The following B3GNT3 variants were observed in gnomAD, a reference collection of about 807,000 sequenced individuals.
The protein encoded by B3GNT3 is UDP-GlcNAc:betaGal beta-1,3-N-acetylglucosaminyltransferase 3.
A neutral mutation model predicts 11.6 loss-of-function variants in B3GNT3; 7 were observed. That is an observed-to-expected ratio of 0.60 (90% CI 0.34 to 1.13). B3GNT3 has a LOEUF of 1.13. B3GNT3 is among the 50% of genes most tolerant of loss of function. The pLI, the probability that B3GNT3 is intolerant of heterozygous loss-of-function variation, is 0.03. For missense variants in B3GNT3, 400 were observed against 507.4 expected (o/e 0.79, Z 2.03); for synonymous variants, 201 against 222.1 (o/e 0.90, Z 0.85).
At chr19:17,804,884 C>G (rs1242442478) in intron 1 of B3GNT3, among the ~76,000 whole-genome samples, 2 of 151,746 alleles carry the variant, frequency 1.3e-5, no homozygotes, top group African/African-American at 4.8e-5. Flanking sequence ...AACCTGCATA[C>G]TCTCCTATAC....
At chr19:17,800,422 C>G (rs934548923) in intron 1 of B3GNT3, among the ~76,000 whole-genome samples, 5 of 151,854 alleles carry the variant, frequency 3.3e-5, no homozygotes, top group African/African-American at 1.2e-4. Flanking sequence ...ACAGAGGTGC[C>G]TGGAGCCACT....
In B3GNT3 at chr19:17,807,960, T is replaced by TCCCGGCCC; in HGVS notation, c.155_156insCGGCCCCC (p.Pro53GlyfsTer63). 1.2e-5 allele frequency: 19 copies of TCCCGGCCC among 1,609,508 alleles called. No individual in the cohort carries two copies. The highest frequency in any genetic ancestry group is 1.4e-5 in the Non-Finnish European group (17 of 1,178,092). Reference sequence around the variant, plus strand: ...TCCCCGAGGCCCTGGCCTGGCCCACTCCACCCACCCGCCCAGCCCCGGCCC... The same window carrying TCCCGGCCC: ...TCCCCGAGGCCCTGGCCTGGCCCACTCCCGGCCCCCACCCACCCGCCCAGCCCCGGCCC... On this transcript the variant is annotated frameshift_variant, in exon 2 of 3. Coordinates refer to ENST00000318683, the MANE Select transcript of B3GNT3 (RefSeq NM_014256.4). LOFTEE classifies it high-confidence loss of function.
rs2094180160 is a variant in B3GNT3 at position 17,811,126 on chromosome 19, A to T, written c.568-445A>T. Among the ~76,000 whole-genome samples, 1 of 151,998 alleles carries T rather than the reference A, an allele frequency of 6.6e-6. No individual in the cohort carries two copies. The highest frequency in any genetic ancestry group is 6.6e-5 in the Admixed American group (1 of 15,216). ...CTACTTGGGAGGCTGAGGTGGAAGG[A>T]TCACCTGAGCCCGGGAATTTGAGGC... is the stretch of plus-strand genomic sequence containing the variant. On this transcript the variant is annotated intron_variant, in intron 2 of 2. Transcript: ENST00000318683. This position sits in a 1 kb window ranked among gnomAD's most constrained non-coding sequence, Gnocchi z 4.1.
At position 17,812,256 on chromosome 19, in the gene B3GNT3, A is replaced by C; in HGVS notation, c.*134A>C. 1 of 1,011,954 alleles carries C rather than the reference A, an allele frequency of 9.9e-7. No homozygotes were observed. Among genetic ancestry groups the C allele is most frequent in the Non-Finnish European group, 1.4e-6 (1 of 713,936 alleles). The allele number at this position is 1,011,954 out of a possible 1,614,324, so 62.7% of individuals were successfully genotyped here. A position where few individuals can be genotyped will look rare whatever the true frequency, so the allele number is the denominator to read the frequency against. On this transcript the variant is annotated 3_prime_UTR_variant, in exon 3 of 3. Coordinates refer to ENST00000318683, the MANE Select transcript of B3GNT3 (RefSeq NM_014256.4). ...GGAAGGTTTGAGGTTTGATGAGTGA[A>C]TATTCTGGCTGGCGAACTCCTACAC...
chr19:17,803,301 C>T (rs1238574181), intron 1 of B3GNT3, among the ~76,000 whole-genome samples: 3 of 152,262 alleles, frequency 2.0e-5, no homozygotes, highest in East Asian at 1.9e-4. Context: ...CCACAGCTCC[C>T]GGCCATGTTT....
At position 17,812,212 on chromosome 19, in the gene B3GNT3, G is replaced by C; in HGVS notation, c.*90G>C. 2.2e-6 allele frequency: 3 copies of C among 1,344,496 alleles called. No individual in the cohort carries two copies. Among genetic ancestry groups the C allele is most frequent in the Non-Finnish European group, 3.0e-6 (3 of 1,009,482 alleles). The allele number at this position is 1,344,496 out of a possible 1,614,324, so 83.3% of individuals were successfully genotyped here. A position where few individuals can be genotyped will look rare whatever the true frequency, so the allele number is the denominator to read the frequency against. On this transcript the variant is annotated 3_prime_UTR_variant, in exon 3 of 3. Transcript: ENST00000318683. ...CAGGAAGCTGAGACCTTTGTGGTCTGAGCATAAGGGAGTGCCAGGGAAGGT... is the reference window on the plus strand; with the variant it reads ...CAGGAAGCTGAGACCTTTGTGGTCTCAGCATAAGGGAGTGCCAGGGAAGGT...
intron 1 of B3GNT3, among the ~76,000 whole-genome samples, chr19:17,801,331 T>C (rs9749109): frequency 0.15 from 22,561 of 151,204 alleles, 2,049 homozygotes; most frequent in African/African-American, 0.25. Flanking sequence ...TAGCCAGGAC[T>C]ACAGGCGCAC....
chr19:17,807,243 C>A (rs1288132261), intron 1 of B3GNT3, among the ~76,000 whole-genome samples: 2 of 151,314 alleles, frequency 1.3e-5, no homozygotes, highest in African/African-American at 2.4e-5. Context: ...TCATCCCAGC[C>A]CTTTGGGAGG....
chr19:17,813,096 T>A lies in B3GNT3; in HGVS notation c.*974T>A, dbSNP rs1259123229. ...TGAAGACTTGGAGATCTTTTTTTTTTTTTAAGCAAATTTACAAGTTTCAAC... is the reference window on the plus strand; with the variant it reads ...TGAAGACTTGGAGATCTTTTTTTTTATTTAAGCAAATTTACAAGTTTCAAC... On this transcript the variant is annotated 3_prime_UTR_variant, in exon 3 of 3. Coordinates refer to ENST00000318683, the MANE Select transcript of B3GNT3 (RefSeq NM_014256.4). The A allele has an allele frequency of 6.6e-6, 1 of 152,068 alleles. No individual in the cohort carries two copies. Among genetic ancestry groups the A allele is most frequent in the African/African-American group, 2.4e-5 (1 of 41,424 alleles). The allele number at this position is 152,068 out of a possible 1,614,324, so 9.4% of individuals were successfully genotyped here. A position where few individuals can be genotyped will look rare whatever the true frequency, so the allele number is the denominator to read the frequency against.
chr19:17,810,398 A>G (rs146164605), intron 2 of B3GNT3, among the ~76,000 whole-genome samples: 6,703 of 151,710 alleles, frequency 0.044, 184 homozygotes, highest in Non-Finnish European at 0.064. Context: ...TGACAGAGTG[A>G]GACTCTGTCT....
intron 1 of B3GNT3, among the ~76,000 whole-genome samples, chr19:17,798,727 C>A (rs974437873): frequency 6.6e-6 from 1 of 151,698 alleles, no homozygotes; most frequent in Non-Finnish European, 1.5e-5. Flanking sequence ...GTAATCCCTG[C>A]ACTTTGGGAG....
chr19:17,811,033 A>G lies in B3GNT3; in HGVS notation c.568-538A>G, dbSNP rs1482996593. ...AGACCAGCCTGCGTAGCATAGCAAG[A>G]TCCCATCTCTTAAAAAAAAAAAAAT... On this transcript the variant is annotated intron_variant, in intron 2 of 2. Transcript: ENST00000318683. This position sits in a 1 kb window ranked among gnomAD's most constrained non-coding sequence, Gnocchi z 4.1. Among the ~76,000 whole-genome samples, 2 of 151,302 alleles carry G rather than the reference A, an allele frequency of 1.3e-5. No homozygotes were observed. Among genetic ancestry groups the G allele is most frequent in the Admixed American group, 1.3e-4 (2 of 15,140 alleles).
chr19:17,812,185 C>A lies in B3GNT3; in HGVS notation c.*63C>A. On this transcript the variant is annotated 3_prime_UTR_variant, in exon 3 of 3. Transcript: ENST00000318683. ...CCATAGGAAGGGGCGACACCTTCCT[C>A]CCAGGAAGCTGAGACCTTTGTGGTC... 1 of 1,473,240 alleles carries A rather than the reference C, an allele frequency of 6.8e-7. No individual in the cohort carries two copies. 91.3% of individuals were successfully genotyped at this position (1,473,240 alleles called of 1,614,324 possible).
intron 1 of B3GNT3, among the ~76,000 whole-genome samples, chr19:17,797,366 AGAG>A (rs764503306): frequency 1.8e-4 from 28 of 152,278 alleles, no homozygotes; most frequent in Non-Finnish European, 2.5e-4. Flanking sequence ...GGAAGTCCCC[AGAG>A]GAGGGGCCCA....
chr19:17,807,971 G>GCC lies in B3GNT3; in HGVS notation c.166_167dup (p.Ala57GlnfsTer57). On this transcript the variant is annotated frameshift_variant, in exon 2 of 3. Transcript: ENST00000318683. LOFTEE classifies it high-confidence loss of function. Reference sequence around the variant, plus strand: ...CTGGCCTGGCCCACTCCACCCACCCGCCCAGCCCCGGCCCCGTGCCATGCC... The same window carrying GCC: ...CTGGCCTGGCCCACTCCACCCACCCGCCCCCAGCCCCGGCCCCGTGCCATGCC... 3 of 705,802 alleles carry GCC rather than the reference G, an allele frequency of 4.3e-6. No homozygotes were observed. The highest frequency in any genetic ancestry group is 3.9e-6 in the Non-Finnish European group (2 of 509,108). The allele number at this position is 705,802 out of a possible 1,614,324, so 43.7% of individuals were successfully genotyped here. A position where few individuals can be genotyped will look rare whatever the true frequency, so the allele number is the denominator to read the frequency against.
intron 1 of B3GNT3, among the ~76,000 whole-genome samples, chr19:17,796,274 G>A (rs2094159405): frequency 6.6e-6 from 1 of 152,088 alleles, no homozygotes; most frequent in Non-Finnish European, 1.5e-5. Flanking sequence ...TTTTTTGTGT[G>A]TGGAGACGGG....
intron 2 of B3GNT3, among the ~76,000 whole-genome samples, chr19:17,809,735 C>T (rs930082613): frequency 2.0e-5 from 3 of 152,006 alleles, no homozygotes; most frequent in African/African-American, 7.2e-5. Context: ...AGGTATGAGC[C>T]ACCACGCACA....
intron 1 of B3GNT3, among the ~76,000 whole-genome samples, chr19:17,803,170 T>A (rs1246657321): frequency 6.6e-6 from 1 of 152,120 alleles, no homozygotes; most frequent in East Asian, 1.9e-4. Flanking sequence ...CACACCTGGC[T>A]AATTTTTGTA....
At chr19:17,799,910 A>G (rs1036719009) in intron 1 of B3GNT3, among the ~76,000 whole-genome samples, 5 of 152,118 alleles carry the variant, frequency 3.3e-5, no homozygotes, top group African/African-American at 1.2e-4. Flanking sequence ...CCTTAATGCT[A>G]TGGAGACCTC....
Sources: gnomAD v4.1 joint callset for allele counts (sites outside exome capture counted in the v4.1 genomes callset) on GRCh38, gnomAD v4.1.1 for gene constraint, Gnocchi (gnomAD v3.1) non-coding constraint, MANE v1.5 for transcripts, NCBI Gene and HGNC (gene_info 2026-07-23, HGNC 2026-07-21) for gene names.